Variants in IREB2 observed in about 807,000 individuals in gnomAD.
IREB2 encodes the protein iron responsive element binding protein 2.
In IREB2, 39 loss-of-function variants were observed where a neutral mutation model predicts 118.8. The ratio of observed to expected loss-of-function variants is 0.33; its 90% CI spans 0.25 to 0.43. The LOEUF (loss-of-function observed/expected upper bound fraction) is 0.43, where lower values mean the gene tolerates loss of function less well. Among genes scored for constraint, IREB2 ranks in the 20% least tolerant of loss-of-function variants. IREB2 has a pLI of 1.00. For synonymous variants in IREB2, 372 were observed against 392.2 expected (o/e 0.95, Z 0.61); for missense variants, 900 against 1,147.3 (o/e 0.78, Z 3.11).
chr15:78,458,705 T>C (rs1396012515), intron 2 of IREB2, among the ~76,000 whole-genome samples: 1 of 152,236 alleles, frequency 6.6e-6, no homozygotes, highest in African/African-American at 2.4e-5. Flanking sequence ...TTTACTTGTT[T>C]ATGGTCTGAA....
rs1419992744 is a variant in IREB2 at position 78,462,917 on chromosome 15, A to G, written c.107-5A>G. On this transcript the variant is annotated splice_polypyrimidine_tract_variant and splice_region_variant and intron_variant, in intron 2 of 21. Coordinates refer to ENST00000258886, the MANE Select transcript of IREB2 (RefSeq NM_004136.4). ...CTTATTAATAGTAATATTTTCTTGAATCAGATGTTCTGCCTTACTCAATAC... is the reference window on the plus strand; with the variant it reads ...CTTATTAATAGTAATATTTTCTTGAGTCAGATGTTCTGCCTTACTCAATAC... 1 of 1,573,918 alleles carries G rather than the reference A, an allele frequency of 6.4e-7. No homozygotes were observed. Among genetic ancestry groups the G allele is most frequent in the Admixed American group, 2.0e-5 (1 of 49,394 alleles).
chr15:78,486,069 G>A (rs1351322202), intron 13 of IREB2, among the ~76,000 whole-genome samples: 2 of 152,210 alleles, frequency 1.3e-5, no homozygotes, highest in East Asian at 3.8e-4. Flanking sequence ...AGGAGATGTG[G>A]TCTTAGCTTC....
In IREB2 at chr15:78,459,438, C is replaced by G. The variant is rs957904632; in HGVS notation, c.107-3484C>G. ...GGTCTCCGCTCGGTGTAGAATCTGCCTCCTGGGTTCAAGCAATTCTTGAGC... is the reference window on the plus strand; with the variant it reads ...GGTCTCCGCTCGGTGTAGAATCTGCGTCCTGGGTTCAAGCAATTCTTGAGC... On this transcript the variant is annotated intron_variant, in intron 2 of 21. Coordinates refer to ENST00000258886, the MANE Select transcript of IREB2 (RefSeq NM_004136.4). Among the ~76,000 whole-genome samples the G allele has an allele frequency of 3.3e-5, 5 of 152,126 alleles. No homozygotes were observed. The East Asian group carries it at 9.6e-4, about 29-fold the overall frequency.
chr15:78,463,766 C>T (rs1406741673), intron 3 of IREB2, among the ~76,000 whole-genome samples: 1 of 152,170 alleles, frequency 6.6e-6, no homozygotes, highest in East Asian at 1.9e-4. Flanking sequence ...GCAGCCTCAA[C>T]CTCCTGGGCT....
upstream of IREB2, chr15:78,438,074 G>C (rs953361173): frequency 1.2e-5 from 6 of 489,118 alleles, no homozygotes; most frequent in South Asian, 2.9e-5. Context: ...GAACAGCGGC[G>C]ACGGCGCGAG....
At position 78,490,617 on chromosome 15, in the gene IREB2, A is replaced by G; in HGVS notation, c.2182-2A>G. 6.2e-7 allele frequency: 1 copy of G among 1,614,024 alleles called. No individual in the cohort carries two copies. The highest frequency in any genetic ancestry group is 8.5e-7 in the Non-Finnish European group (1 of 1,179,960). Reference sequence around the variant, plus strand: ...TAAATGCCTTGAACTTTTACCTTCTAGACCAAAGAGCCAATTGCACTCCAG... The same window carrying G: ...TAAATGCCTTGAACTTTTACCTTCTGGACCAAAGAGCCAATTGCACTCCAG... On this transcript the variant is annotated splice_acceptor_variant, in intron 17 of 21. Coordinates refer to ENST00000258886, the MANE Select transcript of IREB2 (RefSeq NM_004136.4). LOFTEE classifies it high-confidence loss of function.
intron 3 of IREB2, among the ~76,000 whole-genome samples, chr15:78,463,376 G>A (rs1595994562): frequency 6.6e-6 from 1 of 152,256 alleles, no homozygotes; most frequent in East Asian, 1.9e-4. Flanking sequence ...AGGAGGTTGA[G>A]GCTGCAGTGA....
At chr15:78,491,629 C>G (rs987579831) in intron 18 of IREB2, among the ~76,000 whole-genome samples, 1 of 152,180 alleles carries the variant, frequency 6.6e-6, no homozygotes, top group Admixed American at 6.5e-5. Context: ...TCCCAACTAG[C>G]TGGGATTACA....
chr15:78,464,999 A>T (rs1265773721), intron 3 of IREB2, among the ~76,000 whole-genome samples: 1 of 152,180 alleles, frequency 6.6e-6, no homozygotes, highest in African/African-American at 2.4e-5. Context: ...ATTTTCCCTG[A>T]AGTTCGCTTA....
intron 2 of IREB2, among the ~76,000 whole-genome samples, chr15:78,442,652 T>C (rs1219176105): frequency 6.6e-6 from 1 of 152,232 alleles, no homozygotes; most frequent in Non-Finnish European, 1.5e-5. Context: ...TGCTGTCCAA[T>C]GACTTTAAGA....
intron 14 of IREB2, 47 bp downstream of exon 14, chr15:78,487,864 T>C: frequency 8.6e-7 from 1 of 1,161,636 alleles, no homozygotes. Context: ...TTCTTAACTA[T>C]GTTTTGTTAC....
chr15:78,479,366 T>A (rs1161028250), intron 10 of IREB2, among the ~76,000 whole-genome samples: 1 of 151,902 alleles, frequency 6.6e-6, no homozygotes, highest in Non-Finnish European at 1.5e-5. Context: ...GTGAATTTTG[T>A]AATATCTTAT....
Position 78,486,473 on chromosome 15 carries a change from C to T in IREB2, c.1709+633C>T, listed in dbSNP as rs530492626. 2.6e-4 allele frequency among the ~76,000 whole-genome samples: 39 copies of T among 152,236 alleles called. 1 individual carries two copies. The South Asian group carries it at 7.5e-3, about 29-fold the overall frequency. On this transcript the variant is annotated intron_variant, in intron 13 of 21. Coordinates refer to ENST00000258886, the MANE Select transcript of IREB2 (RefSeq NM_004136.4). Reference sequence around the variant, plus strand: ...TACCAAAATTAGCCAGGCGTGGTGACGCACACCCATAGTCCCAGCTACTCA... The same window carrying T: ...TACCAAAATTAGCCAGGCGTGGTGATGCACACCCATAGTCCCAGCTACTCA...
At chr15:78,485,531 A>T (rs1227560304) in intron 12 of IREB2, among the ~76,000 whole-genome samples, 174 bp from the exon 13 acceptor site, 1 of 152,254 alleles carries the variant, frequency 6.6e-6, no homozygotes, top group Non-Finnish European at 1.5e-5. Context: ...TGTAATTTTA[A>T]ATTTGTTGTA....
chr15:78,474,300 G>A (rs1357531269), intron 8 of IREB2: 1 of 152,178 alleles, frequency 6.6e-6, no homozygotes, highest in Middle Eastern at 3.2e-3. Context: ...ATACTCCAGT[G>A]TAAGGAAATG....
intron 20 of IREB2, among the ~76,000 whole-genome samples, chr15:78,496,106 C>T (rs2051833492): frequency 6.6e-6 from 1 of 152,208 alleles, no homozygotes; most frequent in Non-Finnish European, 1.5e-5. Context: ...CACATTAACT[C>T]AGACCTTACT....
chr15:78,472,949 G>T (rs2051404583), intron 7 of IREB2, among the ~76,000 whole-genome samples: 1 of 152,170 alleles, frequency 6.6e-6, no homozygotes, highest in Non-Finnish European at 1.5e-5. Context: ...TCTGTATCTT[G>T]AATACAGTGC....
intron 5 of IREB2, among the ~76,000 whole-genome samples, chr15:78,469,817 T>G (rs562276435): frequency 6.6e-6 from 1 of 152,224 alleles, no homozygotes. Flanking sequence ...ATATTGATAT[T>G]CTAGTCAACA....
At position 78,476,277 on chromosome 15, in the gene IREB2, A is replaced by G. The variant is rs1265997586; in HGVS notation, c.1113A>G (p.Ile371Met). The change falls in exon 9 of 22, where the codon ATA becomes ATG. Residue 371 changes from isoleucine (I) to methionine (M), a missense_variant. By Grantham distance (10) the Ile-to-Met change is conservative. Coordinates refer to ENST00000258886, the MANE Select transcript of IREB2 (RefSeq NM_004136.4). ...SQLSIVDRTT[I>M]ANMCPEYGAI... ...TATCTATAGTTGATCGAACTACAAT[A>G]GCAAACATGTGTCCGGAATATGGTG... The G allele has an allele frequency of 6.2e-7, 1 of 1,610,564 alleles. No homozygotes were observed. Among genetic ancestry groups the G allele is most frequent in the East Asian group, 2.2e-5 (1 of 44,808 alleles).
Sources: allele counts gnomAD v4.1 joint callset (sites outside exome capture counted in the v4.1 genomes callset), GRCh38; gene constraint gnomAD v4.1.1; transcripts MANE v1.5; gene names NCBI Gene and HGNC (gene_info 2026-07-23, HGNC 2026-07-21).